TTL: variants seen among roughly 807,000 people sequenced by gnomAD.
The protein encoded by TTL is tubulin--tyrosine ligase.
TTL carries 10 observed loss-of-function variants against 41.1 expected under a neutral mutation model. The observed-to-expected ratio is 0.24, with a 90% CI of 0.15 to 0.41. TTL has a LOEUF of 0.41. Ranked by LOEUF, TTL falls within the 10% of genes least tolerant of loss-of-function variation. The probability of loss-of-function intolerance (pLI) is 1.00; values close to 1 mark genes in which losing one functional copy is unlikely to be tolerated. For missense variants in TTL, 367 were observed against 460.4 expected, an observed-to-expected ratio of 0.80 and a Z score of 1.86; for synonymous variants, 175 against 175.5, an observed-to-expected ratio of 1.00 and a Z score of 0.02.
chr2:112,516,831 A>T (rs1274380301), intron 5 of TTL, among the ~76,000 whole-genome samples: 1 of 152,214 alleles, frequency 6.6e-6, no homozygotes, highest in Non-Finnish European at 1.5e-5. Context: ...CCAGTAGAAT[A>T]ATTACAGGGC....
intron 6 of TTL, among the ~76,000 whole-genome samples, chr2:112,524,573 G>A (rs954602673): frequency 6.6e-6 from 1 of 152,040 alleles, no homozygotes; most frequent in Non-Finnish European, 1.5e-5. Context: ...TGTGTCTTTT[G>A]GCTGCATAAA....
At chr2:112,509,485 C>T (rs1050218657) in intron 5 of TTL, among the ~76,000 whole-genome samples, 29 of 152,178 alleles carry the variant, frequency 1.9e-4, no homozygotes, top group African/African-American at 6.3e-4. Context: ...GGCGTAGGAC[C>T]CTCTGAGCCA....
chr2:112,496,707 G>GTGTGTGT (rs1681539515), intron 3 of TTL, among the ~76,000 whole-genome samples: 3 of 82,708 alleles, frequency 3.6e-5, no homozygotes, highest in African/African-American at 1.2e-4. Context: ...GTGTGTGTGT[G>GTGTGTGT]TATTTTTTTT....
chr2:112,520,670 C>G (rs1324401662), intron 6 of TTL: 1 of 461,718 alleles, frequency 2.2e-6, no homozygotes, highest in East Asian at 3.8e-5. Flanking sequence ...CTTTGGGAGG[C>G]CAAGACAGGT....
chr2:112,491,634 A>G lies in TTL; in HGVS notation c.237-2509A>G, dbSNP rs1681391781. 2.6e-5 allele frequency among the ~76,000 whole-genome samples: 4 copies of G among 152,170 alleles called. No individual in the cohort carries two copies. The South Asian group carries it at 6.2e-4, about 24-fold the overall frequency. ...ATCCAAGCCATTTTATAGTTGCCCA[A>G]AATTATAAACCCAGACTCTGTAAAA... On this transcript the variant is annotated intron_variant, in intron 2 of 6. Transcript: ENST00000233336.
rs1374213653 is a variant in TTL, at chr2:112,520,434, G to T, written c.1019+9G>T. ...GCCCCTGCATGTGCTCAGTAAGCCT[G>T]CACGTCATTGTGTTTTTACAAGTGG... On this transcript the variant is annotated intron_variant, in intron 6 of 6. Transcript: ENST00000233336. 5.6e-6 allele frequency: 9 copies of T among 1,612,118 alleles called. No homozygotes were observed. Among genetic ancestry groups the T allele is most frequent in the Non-Finnish European group, 7.6e-6 (9 of 1,178,870 alleles).
chr2:112,493,020 T>C (rs1213041184), intron 2 of TTL, among the ~76,000 whole-genome samples: 1 of 152,232 alleles, frequency 6.6e-6, no homozygotes, highest in African/African-American at 2.4e-5. Context: ...ACAATGCAGA[T>C]ACGGAGTTGA....
intron 5 of TTL, among the ~76,000 whole-genome samples, chr2:112,503,658 C>CTTTTT (rs1202499627): frequency 9.5e-6 from 1 of 105,160 alleles, no homozygotes; most frequent in East Asian, 2.9e-4. Context: ...GTCTTGAACT[C>CTTTTT]TTTTTTTTTT....
chr2:112,484,116 A>G (rs1681168711), intron 1 of TTL, among the ~76,000 whole-genome samples: 1 of 152,122 alleles, frequency 6.6e-6, no homozygotes, highest in Non-Finnish European at 1.5e-5. Flanking sequence ...AGTGACTGGC[A>G]TTACCCTGGT....
At chr2:112,524,159 A>G (rs973637215) in intron 6 of TTL, among the ~76,000 whole-genome samples, 3 of 152,118 alleles carry the variant, frequency 2.0e-5, no homozygotes, top group African/African-American at 7.2e-5. Flanking sequence ...ATTCCATGGT[A>G]TATATGTGCC....
At chr2:112,514,433 A>G (rs1682014914) in intron 5 of TTL, among the ~76,000 whole-genome samples, 1 of 152,136 alleles carries the variant, frequency 6.6e-6, no homozygotes, top group African/African-American at 2.4e-5. Context: ...CTGCTGTGAT[A>G]AATTAGTTAT....
chr2:112,524,612 A>G (rs947704122), intron 6 of TTL, among the ~76,000 whole-genome samples: 14 of 152,254 alleles, frequency 9.2e-5, no homozygotes, highest in Middle Eastern at 6.8e-3. Context: ...GTCTGTTCAT[A>G]TCCTTTGCCC....
rs982404707 is a variant in TTL, at chr2:112,539,520, C to T, written c.*10725C>T. ...ACAAACTAGAAATAAATTACTTCCT[C>T]AACATGATAAAGAGCATCTTTGGAA... On this transcript the variant is annotated 3_prime_UTR_variant, in exon 7 of 7. Coordinates refer to ENST00000233336, the MANE Select transcript of TTL (RefSeq NM_153712.5). The T allele has an allele frequency of 1.3e-5, 2 of 152,160 alleles. No individual in the cohort carries two copies. Among genetic ancestry groups the T allele is most frequent in the Non-Finnish European group, 2.9e-5 (2 of 68,030 alleles). 9.4% of individuals were successfully genotyped at this position (152,160 alleles called of 1,614,324 possible).
rs1476342536 is a variant in TTL at position 112,494,310 on chromosome 2, A to G, written c.404A>G (p.Tyr135Cys). Residue 135 changes from tyrosine to cysteine, a missense_variant, in exon 3 of 7, where the codon TAT becomes TGT. Tyr to Cys is a radical substitution (Grantham distance 194, BLOSUM62 -2). Coordinates refer to ENST00000233336, the MANE Select transcript of TTL (RefSeq NM_153712.5). ...GAAAGAGAATTCTTTCTCGCCTCTTATAACAGAAAGAAAGAGGATGGAGAG... is the reference window on the plus strand; with the variant it reads ...GAAAGAGAATTCTTTCTCGCCTCTTGTAACAGAAAGAAAGAGGATGGAGAG... ...TDEREFFLAS[Y>C]NRKKEDGEGN... is the part of the protein sequence containing the mutation. 2 of 1,614,220 alleles carry G rather than the reference A, an allele frequency of 1.2e-6. No individual in the cohort carries two copies. The highest frequency in any genetic ancestry group is 1.7e-6 in the Non-Finnish European group (2 of 1,180,044).
Position 112,534,051 on chromosome 2 carries a change from C to G in TTL, c.*5256C>G, listed in dbSNP as rs772291934. The stretch of plus-strand genomic sequence containing the variant: ...AGAGGCTTGCAGCAATCCATTTATT[C>G]AAGAAAAGGCCTGTAATCCCAGCAC... On this transcript the variant is annotated 3_prime_UTR_variant, in exon 7 of 7. Transcript: ENST00000233336. 6.6e-6 allele frequency: 1 copy of G among 152,100 alleles called. No individual in the cohort carries two copies. The allele number at this position is 152,100 out of a possible 1,614,324, so 9.4% of individuals were successfully genotyped here. A position where few individuals can be genotyped will look rare whatever the true frequency, so the allele number is the denominator to read the frequency against.
rs760770201 is a variant in TTL at position 112,501,232 on chromosome 2, G to C, written c.496G>C (p.Ala166Pro). Residue 166 changes from alanine (A) to proline (P), a missense_variant, in exon 4 of 7, where the codon GCT becomes CCT. Physicochemically the swap from Ala to Pro is conservative, Grantham distance 27. Coordinates refer to ENST00000233336, the MANE Select transcript of TTL (RefSeq NM_153712.5). The part of the protein sequence containing the change: ...KGEGILISSE[A>P]SELLDFIDNQ... ...TGAAGGCATTCTCATCTCCTCAGAGGCTTCAGAGCTTCTCGATTTCATAGA... is the reference window on the plus strand; with the variant it reads ...TGAAGGCATTCTCATCTCCTCAGAGCCTTCAGAGCTTCTCGATTTCATAGA... 1 of 1,613,594 alleles carries C rather than the reference G, an allele frequency of 6.2e-7. No individual in the cohort carries two copies. Among genetic ancestry groups the C allele is most frequent in the East Asian group, 2.2e-5 (1 of 44,868 alleles).
intron 3 of TTL, among the ~76,000 whole-genome samples, chr2:112,499,265 G>A (rs997619334): frequency 9.9e-5 from 15 of 151,264 alleles, no homozygotes; most frequent in Admixed American, 7.9e-4. Flanking sequence ...TGTGAGCCGA[G>A]ATCACACCAC....
intron 5 of TTL, among the ~76,000 whole-genome samples, chr2:112,513,280 G>T (rs995751998): frequency 3.4e-4 from 52 of 152,000 alleles, no homozygotes; most frequent in Middle Eastern, 3.4e-3. Context: ...CTTTATAAAA[G>T]GAGAAAAATA....
intron 1 of TTL, among the ~76,000 whole-genome samples, chr2:112,485,101 C>T (rs1161543571): frequency 6.6e-6 from 1 of 152,060 alleles, no homozygotes. Flanking sequence ...CGGTGTGCGC[C>T]ACCACGCCCA....
Sources: gnomAD v4.1 joint callset for allele counts (sites outside exome capture counted in the v4.1 genomes callset) on GRCh38, gnomAD v4.1.1 for gene constraint, MANE v1.5 for transcripts, NCBI Gene and HGNC (gene_info 2026-07-23, HGNC 2026-07-21) for gene names.